Variants in LRRC4C observed in about 807,000 individuals in gnomAD.
LRRC4C encodes the protein leucine rich repeat containing 4C, also known as leucine-rich repeat-containing protein 4C.
A neutral mutation model predicts 33.6 loss-of-function variants in LRRC4C; 5 were observed. The ratio of observed to expected loss-of-function variants is 0.15; its 90% CI spans 0.08 to 0.31. The LOEUF is 0.31. Among genes scored for constraint, LRRC4C ranks in the 10% least tolerant of loss-of-function variants. LRRC4C has a pLI of 1.00. For synonymous variants in LRRC4C, 329 were observed against 302.0 expected (o/e 1.09, Z -0.93); for missense variants, 560 against 796.7 (o/e 0.70, Z 3.58).
At chr11:41,405,200 C>T (rs900370112) in intron 1 of LRRC4C, among the ~76,000 whole-genome samples, 1 of 152,040 alleles carries the variant, frequency 6.6e-6, no homozygotes, top group African/African-American at 2.4e-5. Flanking sequence ...AAGAAGGTGA[C>T]ATTTAAAATA....
At chr11:40,242,561 T>A (rs1373283542) in intron 4 of LRRC4C, among the ~76,000 whole-genome samples, 1 of 152,178 alleles carries the variant, frequency 6.6e-6, no homozygotes, top group African/African-American at 2.4e-5. Flanking sequence ...CCAGATATCA[T>A]GTATGTAAAA....
intron 5 of LRRC4C, among the ~76,000 whole-genome samples, chr11:40,157,704 T>A (rs1858818905): frequency 6.6e-6 from 1 of 152,086 alleles, no homozygotes; most frequent in Non-Finnish European, 1.5e-5. Flanking sequence ...AAAACCATAA[T>A]GCAAAAGCAC....
intron 3 of LRRC4C, among the ~76,000 whole-genome samples, chr11:40,466,323 T>A (rs1314350225): frequency 3.3e-5 from 5 of 151,960 alleles, no homozygotes; most frequent in African/African-American, 1.2e-4. Flanking sequence ...CAATGTACAC[T>A]ATTCAGGTGA....
intron 1 of LRRC4C, among the ~76,000 whole-genome samples, chr11:41,259,573 CAT>C (rs1226811002): frequency 2.0e-5 from 3 of 152,004 alleles, no homozygotes; most frequent in African/African-American, 7.2e-5. Flanking sequence ...TGTTTAATCA[CAT>C]ATGCGCAAAT....
intron 3 of LRRC4C, among the ~76,000 whole-genome samples, chr11:40,643,329 G>A (rs767489907): frequency 5.3e-5 from 8 of 151,980 alleles, no homozygotes; most frequent in South Asian, 4.2e-4. Flanking sequence ...CCTCACCTAG[G>A]CCATCAATGC....
intron 3 of LRRC4C, among the ~76,000 whole-genome samples, chr11:40,587,927 C>T (rs1054057078): frequency 3.3e-5 from 5 of 152,142 alleles, no homozygotes; most frequent in African/African-American, 9.7e-5. Context: ...GGATATTGGT[C>T]TAAAATTCTC....
chr11:40,228,459 T>C (rs75272903), intron 5 of LRRC4C, among the ~76,000 whole-genome samples: 4 of 151,306 alleles, frequency 2.6e-5, no homozygotes, highest in South Asian at 2.1e-4. Context: ...AAAAAAAAAA[T>C]CTCTCCTAAG....
chr11:40,405,729 AG>A (rs1949942314), intron 3 of LRRC4C, among the ~76,000 whole-genome samples: 2 of 140,456 alleles, frequency 1.4e-5, no homozygotes, highest in Non-Finnish European at 3.1e-5. Flanking sequence ...AGAAGTTTTG[AG>A]AAACTTTTTG....
chr11:40,885,708 C>T (rs1955422767), intron 2 of LRRC4C, among the ~76,000 whole-genome samples: 1 of 152,090 alleles, frequency 6.6e-6, no homozygotes, highest in Non-Finnish European at 1.5e-5. Flanking sequence ...AGTACATACA[C>T]TCACCAAAAG....
intron 2 of LRRC4C, among the ~76,000 whole-genome samples, chr11:40,853,081 G>C (rs367767704): frequency 6.6e-5 from 10 of 152,150 alleles, no homozygotes; most frequent in East Asian, 3.9e-4. Context: ...CTATCACCTA[G>C]TGATGTCACA....
chr11:41,355,153 T>C (rs1229879451), intron 1 of LRRC4C, among the ~76,000 whole-genome samples: 1 of 151,858 alleles, frequency 6.6e-6, no homozygotes, highest in African/African-American at 2.4e-5. Flanking sequence ...CATTTAAAAA[T>C]GGGCACAGTA....
At position 41,383,317 on chromosome 11, in the gene LRRC4C, T is replaced by C. The variant is rs902675458; in HGVS notation, c.-496+76114A>G. ...GCCATGACAGCTGGGCCTGGAACCCTGGACCTATAGACAACTTTTTGTTTC... is the reference window on the plus strand; with the variant it reads ...GCCATGACAGCTGGGCCTGGAACCCCGGACCTATAGACAACTTTTTGTTTC... On this transcript the variant is annotated intron_variant, in intron 1 of 6. Transcript: ENST00000528697. Among the ~76,000 whole-genome samples the C allele has an allele frequency of 2.8e-4, 42 of 152,204 alleles. 1 individual carries two copies. The highest frequency in any genetic ancestry group is 9.4e-4 in the African/African-American group (39 of 41,562).
chr11:40,640,710 T>C (rs949195851), intron 3 of LRRC4C, among the ~76,000 whole-genome samples: 2 of 152,160 alleles, frequency 1.3e-5, no homozygotes, highest in Non-Finnish European at 2.9e-5. Flanking sequence ...CAAAAATACA[T>C]TGTAAGAATA....
At chr11:40,644,332 A>G (rs1942309359) in intron 3 of LRRC4C, among the ~76,000 whole-genome samples, 3 of 152,228 alleles carry the variant, frequency 2.0e-5, no homozygotes, top group South Asian at 4.1e-4. Context: ...GAATGTAAAA[A>G]GTTACAGTTA....
chr11:41,206,327 A>G (rs893713189), intron 1 of LRRC4C, among the ~76,000 whole-genome samples: 2 of 152,182 alleles, frequency 1.3e-5, no homozygotes, highest in African/African-American at 4.8e-5. Flanking sequence ...GGCAGCCTCA[A>G]CTCAAAACAC....
intron 1 of LRRC4C, among the ~76,000 whole-genome samples, chr11:41,359,796 T>C (rs984462376): frequency 6.6e-6 from 1 of 152,296 alleles, no homozygotes; most frequent in Admixed American, 6.5e-5. Flanking sequence ...AACTCAGGCT[T>C]TGCAATTCCA....
intron 6 of LRRC4C, among the ~76,000 whole-genome samples, chr11:40,139,262 TTGC>T (rs1337242751): frequency 6.6e-6 from 1 of 152,138 alleles, no homozygotes; most frequent in Non-Finnish European, 1.5e-5. Flanking sequence ...TCAGTTAAAC[TTGC>T]TGCTCACAGT....
rs572735742 is a variant in LRRC4C at position 41,192,466 on chromosome 11, C to A, written c.-495-258743G>T. Among the ~76,000 whole-genome samples the A allele has an allele frequency of 1.2e-4, 18 of 151,934 alleles. No homozygotes were observed. The East Asian group carries it at 3.1e-3, about 26-fold the overall frequency. ...ATGTATACACACACACACACATACA[C>A]ATATATAATTTGTATATATTTGTTC... is the stretch of plus-strand genomic sequence containing the variant. On this transcript the variant is annotated intron_variant, in intron 1 of 6. Coordinates refer to ENST00000528697, the MANE Select transcript of LRRC4C (RefSeq NM_001258419.2).
At chr11:41,372,670 T>C (rs1301978255) in intron 1 of LRRC4C, among the ~76,000 whole-genome samples, 2 of 151,968 alleles carry the variant, frequency 1.3e-5, no homozygotes, top group East Asian at 1.9e-4. Flanking sequence ...ATTCCTTTTG[T>C]ATTGCTAACA....
Sources: allele counts gnomAD v4.1 joint callset (sites outside exome capture counted in the v4.1 genomes callset), GRCh38; gene constraint gnomAD v4.1.1; transcripts MANE v1.5; gene names NCBI Gene and HGNC (gene_info 2026-07-23, HGNC 2026-07-21).